C10orf143: variants seen among roughly 807,000 people sequenced by gnomAD.
C10orf143 encodes the protein chromosome 10 open reading frame 143.
chr10:130,045,774 G>T (rs118036872), intron 3 of C10orf143, among the ~76,000 whole-genome samples: 1,788 of 152,314 alleles, frequency 0.012, 13 homozygotes, highest in Middle Eastern at 0.048. Context: ...AAATGCGATT[G>T]CCTCGACTCG....
intron 1 of C10orf143, among the ~76,000 whole-genome samples, chr10:130,086,856 T>C (rs1038780978): frequency 6.6e-6 from 1 of 152,218 alleles, no homozygotes; most frequent in Non-Finnish European, 1.5e-5. Context: ...TATGAAACTA[T>C]ATTCTACACC....
chr10:130,079,673 T>C (rs1861173981), intron 2 of C10orf143, 45 bp from the exon 3 acceptor site: 1 of 398,866 alleles, frequency 2.5e-6, no homozygotes, highest in South Asian at 1.3e-4. Flanking sequence ...ACAATGATTA[T>C]TTACACTTTC....
In C10orf143 at chr10:130,048,435, G is replaced by A. The variant is rs142371411; in HGVS notation, c.298-12465C>T. On this transcript the variant is annotated intron_variant and NMD_transcript_variant, in intron 3 of 5. Transcript: ENST00000643056. ...CCTTAGCCCCATCATTACCTAGCCT[G>A]TGACTGGCTGGATACACACTCGCCT... Among the ~76,000 whole-genome samples the A allele has an allele frequency of 2.8e-3, 425 of 152,260 alleles. 1 individual carries two copies. Among genetic ancestry groups the A allele is most frequent in the African/African-American group, 9.5e-3 (393 of 41,546 alleles).
At chr10:130,040,572 G>A (rs117057775) in intron 3 of C10orf143, among the ~76,000 whole-genome samples, 125 of 152,338 alleles carry the variant, frequency 8.2e-4, no homozygotes, top group Middle Eastern at 6.8e-3. Flanking sequence ...ATGGGACGGC[G>A]TGCTGGCTCA....
Position 130,085,540 on chromosome 10 carries a change from A to G in C10orf143, c.70-5639T>C, listed in dbSNP as rs186467840. On this transcript the variant is annotated intron_variant, in intron 1 of 3. Coordinates refer to ENST00000637128, the MANE Select transcript of C10orf143 (RefSeq NM_001355042.2). The stretch of plus-strand genomic sequence containing the variant: ...GATTGGAAGAGAGGAAGGAAACACA[A>G]TAACTAAATGCAATGTGGGATCCTG... Among the ~76,000 whole-genome samples the G allele has an allele frequency of 6.8e-4, 104 of 152,338 alleles. 2 individuals carry two copies. The highest frequency in any genetic ancestry group is 1.7e-3 in the Admixed American group (26 of 15,302).
At chr10:130,083,149 T>C (rs1243926932) in intron 1 of C10orf143, among the ~76,000 whole-genome samples, 2 of 152,304 alleles carry the variant, frequency 1.3e-5, no homozygotes, top group South Asian at 4.1e-4. Context: ...AAAAAAGCTA[T>C]TAAAATGGTC....
At chr10:130,085,914 G>T (rs1306767499) in intron 1 of C10orf143, among the ~76,000 whole-genome samples, 1 of 152,134 alleles carries the variant, frequency 6.6e-6, no homozygotes, top group Non-Finnish European at 1.5e-5. Context: ...AAAACCCCTT[G>T]TGTATGAGAT....
intron 3 of C10orf143, among the ~76,000 whole-genome samples, chr10:130,055,673 C>T (rs1860786058): frequency 2.0e-5 from 3 of 152,142 alleles, no homozygotes; most frequent in South Asian, 4.1e-4. Flanking sequence ...TGGCCGGGCA[C>T]GGTGGCTCAC....
In C10orf143 at chr10:130,108,233, C is replaced by T. The variant is rs538921464; in HGVS notation, c.69+2471G>A. On this transcript the variant is annotated intron_variant, in intron 1 of 3. Transcript: ENST00000637128. ...TCCAGGAACCAGGTTTGGAGCTTCT[C>T]GAGATTATTTTCCACCAGGGGATTT... 3.9e-5 allele frequency: 61 copies of T among 1,551,910 alleles called. No homozygotes were observed. In the Middle Eastern group the frequency reaches 1.2e-3, roughly 30 times the overall value.
intron 3 of C10orf143, among the ~76,000 whole-genome samples, chr10:130,041,833 ATG>A (rs1159535685): frequency 6.7e-6 from 1 of 148,244 alleles, no homozygotes; most frequent in African/African-American, 2.5e-5. Flanking sequence ...ACACACACAC[ATG>A]CATGTACACA....
chr10:130,046,735 A>G (rs1453088315), intron 3 of C10orf143, among the ~76,000 whole-genome samples: 1 of 152,188 alleles, frequency 6.6e-6, no homozygotes, highest in Admixed American at 6.5e-5. Context: ...TGGGCCATGC[A>G]CCTGAGGCCA....
intron 1 of C10orf143, among the ~76,000 whole-genome samples, chr10:130,080,769 T>C (rs1485032595): frequency 6.6e-6 from 1 of 152,254 alleles, no homozygotes; most frequent in Admixed American, 6.5e-5. Flanking sequence ...CATACTACTA[T>C]TATTTAATAT....
chr10:130,063,287 G>A (rs921246748), downstream of C10orf143, among the ~76,000 whole-genome samples: 11 of 152,158 alleles, frequency 7.2e-5, no homozygotes, highest in Admixed American at 7.2e-4. Context: ...GTCCATCTAA[G>A]AGTTTTCTTT....
At chr10:130,046,958 C>T (rs1002020091) in intron 3 of C10orf143, among the ~76,000 whole-genome samples, 1 of 152,212 alleles carries the variant, frequency 6.6e-6, no homozygotes, top group African/African-American at 2.4e-5. Context: ...TGCTTTTTAA[C>T]GTTCTGTATT....
chr10:130,076,281 A>G (rs1590020052), intron 3 of C10orf143, among the ~76,000 whole-genome samples: 1 of 152,228 alleles, frequency 6.6e-6, no homozygotes, highest in African/African-American at 2.4e-5. Flanking sequence ...AGGGCTAGAG[A>G]GAGAGAGAAA....
At chr10:130,047,844 C>CA (rs995256717) in intron 3 of C10orf143, among the ~76,000 whole-genome samples, 1 of 76,814 alleles carries the variant, frequency 1.3e-5, no homozygotes, top group Non-Finnish European at 3.0e-5. Flanking sequence ...CCACTGGAAA[C>CA]ATTTTTTTTT....
chr10:130,068,742 A>ACAGTTTAGAAGTATAAGT (rs981975407), intron 3 of C10orf143: 1 of 103,294 alleles, frequency 9.7e-6, no homozygotes, highest in African/African-American at 3.2e-5. Flanking sequence ...TCTACAGTTT[A>ACAGTTTAGAAGTATAAGT]GAAGTATAAG....
At chr10:130,053,367 G>A (rs1411501139) in intron 3 of C10orf143, among the ~76,000 whole-genome samples, 2 of 152,318 alleles carry the variant, frequency 1.3e-5, no homozygotes, top group East Asian at 3.9e-4. Context: ...CACCACGCCC[G>A]GCCAAAGTTG....
chr10:130,091,129 T>C lies in C10orf143; in HGVS notation c.70-11228A>G, dbSNP rs555018185. 7.9e-5 allele frequency among the ~76,000 whole-genome samples: 12 copies of C among 152,302 alleles called. 1 individual carries two copies. Among genetic ancestry groups the C allele is most frequent in the African/African-American group, 2.2e-4 (9 of 41,588 alleles). The stretch of plus-strand genomic sequence containing the variant: ...GCCCCTGTGCCTCCTGACTGAGAGA[T>C]ACCTCCCAGCAGGGGTTGACTGACA... On this transcript the variant is annotated intron_variant, in intron 1 of 3. Coordinates refer to ENST00000637128, the MANE Select transcript of C10orf143 (RefSeq NM_001355042.2).
Sources: gnomAD v4.1 joint callset for allele counts (sites outside exome capture counted in the v4.1 genomes callset) on GRCh38, gnomAD v4.1.1 for gene constraint, MANE v1.5 for transcripts, NCBI Gene and HGNC (gene_info 2026-07-23, HGNC 2026-07-21) for gene names.